The following HDC variants were observed in gnomAD, a reference collection of about 807,000 sequenced individuals.
HDC encodes the protein histidine decarboxylase.
A neutral mutation model predicts 64.4 loss-of-function variants in HDC; 27 were observed. That is an observed-to-expected ratio of 0.42 (90% CI 0.31 to 0.58). The LOEUF is 0.58. Ranked by LOEUF, HDC falls within the 20% of genes least tolerant of loss-of-function variation. The pLI is 0.16. For missense variants in HDC, 711 were observed against 833.9 expected (o/e 0.85, Z 1.81); for synonymous variants, 305 against 314.2 (o/e 0.97, Z 0.31).
Position 50,252,674 on chromosome 15 carries a change from G to A in HDC, c.888C>T (p.Ala296=), listed in dbSNP as rs34406040. 35,707 of 1,614,062 alleles carry A rather than the reference G, an allele frequency of 0.022. 429 individuals are homozygous for A. Among genetic ancestry groups the A allele is most frequent in the Non-Finnish European group, 0.026 (30,913 of 1,179,992 alleles). ...FRGFLKGIEY[A]DSFTFNPSKW... ...TGGAAGGATTAAAGGTGAAGGAGTC[G>A]GCATACTCAATCCCCTTCAGAAACC... is the stretch of plus-strand genomic sequence containing the variant. The change falls in exon 8 of 12, where the codon GCC becomes GCT. Residue 296 remains alanine, a synonymous_variant. Transcript: ENST00000267845.
chr15:50,252,568 G>T, intron 8 of HDC, 44 bp downstream of exon 8: 8 of 1,614,128 alleles, frequency 5.0e-6, no homozygotes, highest in Non-Finnish European at 6.8e-6. Flanking sequence ...CTCCAGAGGA[G>T]GCAAGGCGTT....
chr15:50,252,798 C>T (rs1567450703), intron 7 of HDC, 24 bp from the exon 8 acceptor site: 2 of 1,601,620 alleles, frequency 1.2e-6, no homozygotes, highest in Non-Finnish European at 1.7e-6. Flanking sequence ...CATCACCTGG[C>T]CGGAGGGGAG....
At chr15:50,255,275 C>T (rs181763968) in intron 4 of HDC, among the ~76,000 whole-genome samples, 4 of 152,288 alleles carry the variant, frequency 2.6e-5, no homozygotes, top group Admixed American at 6.5e-5. Context: ...TGGAAATCTT[C>T]GGGGCCACCT....
intron 4 of HDC, 72 bp from the exon 5 acceptor site, chr15:50,254,736 TTTTCTC>T (rs751656584): frequency 0.023 from 27,084 of 1,203,284 alleles, 1,097 homozygotes; most frequent in East Asian, 0.052. Flanking sequence ...CTTTCTAGTT[TTTTCTC>T]TCTCTCTCTC....
chr15:50,252,643 T>A lies in HDC; in HGVS notation c.919A>T (p.Met307Leu), dbSNP rs758925585. ...DSFTFNPSKW[M>L]MVHFDCTGFW... Reference sequence around the variant, plus strand: ...CCAGTACAGTCAAAATGCACCATCATCCACTTGGAAGGATTAAAGGTGAAG... The same window carrying A: ...CCAGTACAGTCAAAATGCACCATCAACCACTTGGAAGGATTAAAGGTGAAG... The change falls in exon 8 of 12, where the codon ATG becomes TTG. Residue 307 changes from methionine (M) to leucine (L), a missense_variant. Around this residue, in one of 3 missense-constraint regions of HDC, gnomAD observed 483 missense variants for 540.9 expected, o/e 0.89. Coordinates refer to ENST00000267845, the MANE Select transcript of HDC (RefSeq NM_002112.4). 13 of 1,613,988 alleles carry A rather than the reference T, an allele frequency of 8.1e-6. No homozygotes were observed.
chr15:50,245,530 GTGCTAA>G, intron 10 of HDC, among the ~76,000 whole-genome samples: 1 of 152,314 alleles, frequency 6.6e-6, no homozygotes, highest in East Asian at 1.9e-4. Context: ...GGTAGACCCT[GTGCTAA>G]GGGCTGCATA....
At chr15:50,261,767 C>T (rs1296914708) in intron 2 of HDC, among the ~76,000 whole-genome samples, 3 of 149,794 alleles carry the variant, frequency 2.0e-5, no homozygotes, top group Non-Finnish European at 3.0e-5. Context: ...TGGAGTGCAA[C>T]GGCGCTATCT....
chr15:50,257,623 C>G, intron 3 of HDC, 76 bp from the exon 4 acceptor site: 1 of 1,555,468 alleles, frequency 6.4e-7, no homozygotes, highest in Non-Finnish European at 8.8e-7. Context: ...AGAAACATGT[C>G]TGCCCCTGAT....
chr15:50,250,349 T>C (rs556131497), intron 9 of HDC, among the ~76,000 whole-genome samples: 1 of 152,274 alleles, frequency 6.6e-6, no homozygotes, highest in South Asian at 2.1e-4. Flanking sequence ...AGTTTCTTCA[T>C]GGACTTGAAA....
chr15:50,242,180 A>C lies in HDC; in HGVS notation c.*80T>G. 6 of 1,186,372 alleles carry C rather than the reference A, an allele frequency of 5.1e-6. No homozygotes were observed. Among genetic ancestry groups the C allele is most frequent in the Non-Finnish European group, 7.6e-6 (6 of 794,466 alleles). The allele number at this position is 1,186,372 out of a possible 1,614,324, so 73.5% of individuals were successfully genotyped here. The stretch of plus-strand genomic sequence containing the variant: ...AAGAAAAATGCATGTACACATAAGC[A>C]CACAAAGTTGGCATACAATTGTGAG... On this transcript the variant is annotated 3_prime_UTR_variant, in exon 12 of 12. Coordinates refer to ENST00000267845, the MANE Select transcript of HDC (RefSeq NM_002112.4).
chr15:50,263,549 C>A, intron 1 of HDC, 142 bp from the exon 2 acceptor site: 1 of 767,692 alleles, frequency 1.3e-6, no homozygotes, highest in Non-Finnish European at 2.2e-6. Flanking sequence ...TGCCTGTAAT[C>A]CCAGCACTTT....
In HDC at chr15:50,254,216, G is replaced by A; in HGVS notation, c.634C>T (p.Pro212Ser). Residue 212 changes from proline to serine, a missense_variant, in exon 6 of 12, where the codon CCT becomes TCT. Pro to Ser is a moderately conservative substitution (Grantham distance 74). Coordinates refer to ENST00000267845, the MANE Select transcript of HDC (RefSeq NM_002112.4). ...LISLVKMKFLPVDDNFSLRGE... is the reference protein window; with the variant it reads ...LISLVKMKFLSVDDNFSLRGE... ...CGGAGTGAGAAGTTGTCATCCACAG[G>A]CAGAAATTTCATCTTCACAAGGGAA... is the stretch of plus-strand genomic sequence containing the variant. 1 of 1,614,136 alleles carries A rather than the reference G, an allele frequency of 6.2e-7. No homozygotes were observed. Among genetic ancestry groups the A allele is most frequent in the Non-Finnish European group, 8.5e-7 (1 of 1,180,008 alleles).
At chr15:50,252,399 C>T (rs377017948) in intron 9 of HDC, 31 bp downstream of exon 9, 123 of 1,594,156 alleles carry the variant, frequency 7.7e-5, no homozygotes, top group Non-Finnish European at 1.0e-4. Flanking sequence ...GCCACCCGAG[C>T]CCACCAGGCT....
intron 10 of HDC, among the ~76,000 whole-genome samples, chr15:50,244,285 C>CTTT (rs554623599): frequency 1.5e-4 from 16 of 105,164 alleles, no homozygotes; most frequent in African/African-American, 1.8e-4. Context: ...AGCTGAACCT[C>CTTT]TTTTTTTTTT....
intron 9 of HDC, among the ~76,000 whole-genome samples, chr15:50,252,027 G>A (rs146962938): frequency 3.3e-5 from 5 of 152,004 alleles, no homozygotes; most frequent in South Asian, 4.2e-4. Context: ...AAACAAAAGC[G>A]ATTTCAGCAA....
intron 10 of HDC, 61 bp from the exon 11 acceptor site, chr15:50,243,305 C>T: frequency 4.5e-6 from 5 of 1,108,686 alleles, no homozygotes; most frequent in Non-Finnish European, 6.9e-6. Flanking sequence ...TATGCATAAA[C>T]TTTCAGACTG....
intron 2 of HDC, among the ~76,000 whole-genome samples, chr15:50,262,943 C>A (rs1448023853): frequency 6.6e-6 from 1 of 152,224 alleles, no homozygotes; most frequent in African/African-American, 2.4e-5. Context: ...CATTAGACTT[C>A]CACACTTCTG....
At chr15:50,259,406 G>C (rs931229546) in intron 2 of HDC, among the ~76,000 whole-genome samples, 2 of 152,130 alleles carry the variant, frequency 1.3e-5, no homozygotes, top group Non-Finnish European at 2.9e-5. Context: ...CCGACCTCCA[G>C]GCTAAGCCCT....
At position 50,244,311 on chromosome 15, in the gene HDC, TGA is replaced by T. The variant is rs1354333428; in HGVS notation, c.1141-1069_1141-1068del. ...TTTTTTTTTTTTTTTTTTTTTTTTTTGAGAGATAGGGTCTTGCTTTGTCACAC... is the reference window on the plus strand; with the variant it reads ...TTTTTTTTTTTTTTTTTTTTTTTTTTGAGATAGGGTCTTGCTTTGTCACAC... On this transcript the variant is annotated intron_variant, in intron 10 of 11. Coordinates refer to ENST00000267845, the MANE Select transcript of HDC (RefSeq NM_002112.4). Among the ~76,000 whole-genome samples the T allele has an allele frequency of 4.6e-4, 64 of 137,954 alleles. 1 individual carries two copies. Among genetic ancestry groups the T allele is most frequent in the African/African-American group, 1.8e-3 (59 of 32,856 alleles). 90.5% of individuals were successfully genotyped at this position (137,954 alleles called of 152,430 possible).
Sources: gnomAD v4.1 joint callset for allele counts (sites outside exome capture counted in the v4.1 genomes callset) on GRCh38, gnomAD v4.1.1 for gene constraint, gnomAD v4.1.1 regional missense constraint, MANE v1.5 for transcripts, NCBI Gene and HGNC (gene_info 2026-07-23, HGNC 2026-07-21) for gene names.